CNEP1R1: variants seen among roughly 807,000 people sequenced by gnomAD.
CNEP1R1 encodes the protein nuclear envelope phosphatase-regulatory subunit 1.
CNEP1R1 carries 10 observed loss-of-function variants against 22.7 expected under a neutral mutation model. The observed-to-expected ratio is 0.44, with a 90% confidence interval of 0.27 to 0.75. The LOEUF is 0.75. Ranked by LOEUF, CNEP1R1 falls within the 30% of genes least tolerant of loss-of-function variation. CNEP1R1 has a pLI of 0.17. For missense variants in CNEP1R1, 73 were observed against 151.5 expected (o/e 0.48, Z 2.72); for synonymous variants, 53 against 50.1 (o/e 1.06, Z -0.25).
intron 2 of CNEP1R1, among the ~76,000 whole-genome samples, chr16:50,028,573 G>A (rs890845507): frequency 6.6e-6 from 1 of 152,104 alleles, no homozygotes; most frequent in African/African-American, 2.4e-5. Flanking sequence ...ACTGTTACTT[G>A]AAAATCTTTT....
In CNEP1R1 at chr16:50,026,431, A is replaced by G. The variant is rs769402287; in HGVS notation, c.61A>G (p.Ile21Val). 5.0e-5 allele frequency: 81 copies of G among 1,610,766 alleles called. No homozygotes were observed. The highest frequency in any genetic ancestry group is 6.8e-5 in the Non-Finnish European group (80 of 1,178,428). The change falls in exon 2 of 6, where the codon ATT (isoleucine) becomes GTT (valine). Residue 21 changes from isoleucine (I) to valine (V), a missense_variant. Transcript: ENST00000427478. The part of the protein sequence containing the change: ...KAFERRLTEY[I>V]HCLQPATGRW... ...TTTTGAGAGGAGACTTACTGAATAT[A>G]TTCATTGTTTGCAACCTGCTACTGG...
In CNEP1R1 at chr16:50,034,163, A is replaced by AT; in HGVS notation, c.336+14dup. The AT allele has an allele frequency of 1.3e-6, 2 of 1,568,526 alleles. No individual in the cohort carries two copies. Among genetic ancestry groups the AT allele is most frequent in the Non-Finnish European group, 1.7e-6 (2 of 1,153,826 alleles). On this transcript the variant is annotated splice_region_variant and intron_variant, in intron 5 of 5. Coordinates refer to ENST00000427478, the MANE Select transcript of CNEP1R1 (RefSeq NM_001281789.2). ...CAATATGTCTTGTGATGATGTAAGT[A>AT]TTTTTTTGGTTAGAAAATTATAGAC...
At position 50,025,587 on chromosome 16, in the gene CNEP1R1, C is replaced by T; in HGVS notation, c.25+247C>T. ...CCAGCTTCTATTTTTATTTTCTTTT[C>T]ACTGGCAGACACTTGCACTTCGTGC... is the stretch of plus-strand genomic sequence containing the variant. On this transcript the variant is annotated intron_variant, in intron 1 of 5. Transcript: ENST00000427478. 3.4e-6 allele frequency: 5 copies of T among 1,457,806 alleles called. 1 individual carries two copies. The highest frequency in any genetic ancestry group is 3.4e-5 in the South Asian group (3 of 87,596). 90.3% of individuals were successfully genotyped at this position (1,457,806 alleles called of 1,614,324 possible).
intron 3 of CNEP1R1, among the ~76,000 whole-genome samples, chr16:50,031,276 C>T (rs774483913): frequency 3.4e-4 from 51 of 152,190 alleles, no homozygotes; most frequent in Non-Finnish European, 5.9e-4. Context: ...AAGTTTATTT[C>T]GCATATAGTC....
chr16:50,033,971 T>A, intron 4 of CNEP1R1, 131 bp from the exon 5 acceptor site: 1 of 641,392 alleles, frequency 1.6e-6, no homozygotes, highest in Non-Finnish European at 2.8e-6. Context: ...CAGGATGGTC[T>A]CGATCTCCTG....
rs2036284557 is a variant in CNEP1R1, at chr16:50,036,917, C to T, written c.*1459C>T. 1 of 152,562 alleles carries T rather than the reference C, an allele frequency of 6.6e-6. No individual in the cohort carries two copies. The highest frequency in any genetic ancestry group is 2.4e-5 in the African/African-American group (1 of 41,422). The allele number at this position is 152,562 out of a possible 1,614,324, so 9.5% of individuals were successfully genotyped here. ...GGCTGCCATTTAACTTAAATGTGTT[C>T]ATCTTAGCTTTCACTTGTATAAAAT... On this transcript the variant is annotated 3_prime_UTR_variant, in exon 6 of 6. Coordinates refer to ENST00000427478, the MANE Select transcript of CNEP1R1 (RefSeq NM_001281789.2).
chr16:50,035,163 G>A lies in CNEP1R1; in HGVS notation c.337-254G>A, dbSNP rs555840639. On this transcript the variant is annotated intron_variant, in intron 5 of 5. Coordinates refer to ENST00000427478, the MANE Select transcript of CNEP1R1 (RefSeq NM_001281789.2). ...GTCCAGGAGTTTGAGATGAACCTGG[G>A]CAACATAGCAAGACACCGTCTCTAC... Among the ~76,000 whole-genome samples the A allele has an allele frequency of 1.3e-3, 200 of 152,148 alleles. 2 individuals are homozygous for A. The highest frequency in any genetic ancestry group is 4.6e-3 in the African/African-American group (191 of 41,512).
At chr16:50,028,096 T>G (rs1211030851) in intron 2 of CNEP1R1, among the ~76,000 whole-genome samples, 2 of 152,182 alleles carry the variant, frequency 1.3e-5, no homozygotes, top group Non-Finnish European at 2.9e-5. Flanking sequence ...TAGCTGAGAT[T>G]ACAGGTGCCC....
chr16:50,026,673 C>T (rs915049135), intron 2 of CNEP1R1: 3 of 547,688 alleles, frequency 5.5e-6, no homozygotes, highest in South Asian at 2.4e-5. Flanking sequence ...TTTGTTTTTC[C>T]ATTAAAAAAC....
intron 2 of CNEP1R1, among the ~76,000 whole-genome samples, chr16:50,029,017 AAGAC>A (rs1203234451): frequency 9.2e-5 from 14 of 152,310 alleles, no homozygotes; most frequent in African/African-American, 3.4e-4. Flanking sequence ...TCCTAGCTGA[AAGAC>A]AGGCAACGGT....
chr16:50,029,736 G>A lies in CNEP1R1; in HGVS notation c.109G>A (p.Val37Met). ...TTATCTTTCATCAGTGCTTCTTATAGTGGTATCTGTCTGTACAGCTACTGG... is the reference window on the plus strand; with the variant it reads ...TTATCTTTCATCAGTGCTTCTTATAATGGTATCTGTCTGTACAGCTACTGG... The part of the protein sequence containing the change: ...ATGRWRMLLI[V>M]VSVCTATGAW... The change falls in exon 3 of 6, where the codon GTG becomes ATG. Residue 37 changes from valine (V) to methionine (M), a missense_variant. Val to Met is a conservative substitution (Grantham distance 21). Transcript: ENST00000427478. 1 of 1,605,786 alleles carries A rather than the reference G, an allele frequency of 6.2e-7. No homozygotes were observed. Among genetic ancestry groups the A allele is most frequent in the Non-Finnish European group, 8.5e-7 (1 of 1,173,678 alleles).
chr16:50,032,647 A>G (rs763979493), intron 3 of CNEP1R1, among the ~76,000 whole-genome samples: 5 of 152,186 alleles, frequency 3.3e-5, no homozygotes, highest in Non-Finnish European at 7.3e-5. Context: ...CAGGAGATGA[A>G]AATTAGACTG....
chr16:50,025,727 A>G (rs758770396), intron 1 of CNEP1R1: 1 of 1,603,902 alleles, frequency 6.2e-7, no homozygotes. Flanking sequence ...TCGGTGTTTT[A>G]AAGTTTAAAG....
At chr16:50,031,182 A>G (rs375769591) in intron 3 of CNEP1R1, among the ~76,000 whole-genome samples, 3 of 152,174 alleles carry the variant, frequency 2.0e-5, no homozygotes, top group South Asian at 2.1e-4. Context: ...CAGTAGCTCT[A>G]TTTGTACCTT....
intron 1 of CNEP1R1, chr16:50,025,642 T>G (rs1258606956): frequency 3.7e-6 from 6 of 1,613,148 alleles, no homozygotes; most frequent in Non-Finnish European, 5.1e-6. Flanking sequence ...TTTCATTTCA[T>G]TCTCACAGCC....
intron 4 of CNEP1R1, among the ~76,000 whole-genome samples, chr16:50,033,790 G>A (rs1186790505): frequency 6.6e-6 from 1 of 151,084 alleles, no homozygotes; most frequent in Non-Finnish European, 1.5e-5. Context: ...CTTGAACCCG[G>A]GAGGCAGAGG....
intron 1 of CNEP1R1, 142 bp from the exon 2 acceptor site, chr16:50,026,254 G>T: frequency 1.6e-6 from 1 of 618,788 alleles, no homozygotes. Flanking sequence ...AATAAACAGT[G>T]CAGTGATACA....
chr16:50,027,376 C>T (rs576570762), intron 2 of CNEP1R1, among the ~76,000 whole-genome samples: 1 of 151,676 alleles, frequency 6.6e-6, no homozygotes, highest in African/African-American at 2.4e-5. Flanking sequence ...GGCGTGGTGG[C>T]GGGCGCCTGT....
chr16:50,035,484 T>G lies in CNEP1R1; in HGVS notation c.*26T>G. The G allele has an allele frequency of 6.5e-7, 1 of 1,536,220 alleles. No homozygotes were observed. Among genetic ancestry groups the G allele is most frequent in the Non-Finnish European group, 8.9e-7 (1 of 1,123,762 alleles). ...CAATCTTCACTCATTGTTATGGGACTTAAAATAGCCTTTCTTCGAATAAGT... is the reference window on the plus strand; with the variant it reads ...CAATCTTCACTCATTGTTATGGGACGTAAAATAGCCTTTCTTCGAATAAGT... On this transcript the variant is annotated 3_prime_UTR_variant, in exon 6 of 6. Transcript: ENST00000427478.
Sources: allele counts gnomAD v4.1 joint callset (sites outside exome capture counted in the v4.1 genomes callset), GRCh38; gene constraint gnomAD v4.1.1; transcripts MANE v1.5; gene names NCBI Gene and HGNC (gene_info 2026-07-23, HGNC 2026-07-21).